Variants in PLCE1 observed in about 807,000 individuals in gnomAD.
PLCE1 encodes phospholipase C epsilon 1.
PLCE1 carries 119 observed loss-of-function variants against 242.8 expected under a neutral mutation model. The ratio of observed to expected loss-of-function variants is 0.49; its 90% confidence interval spans 0.42 to 0.57. The LOEUF (loss-of-function observed/expected upper bound fraction) is 0.57. PLCE1 is among the 20% of genes least tolerant of loss of function. PLCE1 has a pLI of 0.00. For synonymous variants in PLCE1, 945 were observed against 1,017.4 expected (o/e 0.93, Z 1.35); for missense variants, 2,441 against 2,788.8 (o/e 0.88, Z 2.81).
chr10:94,058,635 C>T (rs1470619283), intron 2 of PLCE1, among the ~76,000 whole-genome samples: 1 of 152,096 alleles, frequency 6.6e-6, no homozygotes, highest in Non-Finnish European at 1.5e-5. Context: ...GTCATCTAAA[C>T]CCTGGGTGAT....
At chr10:94,169,031 C>T (rs2047893893) in intron 3 of PLCE1, among the ~76,000 whole-genome samples, 1 of 152,030 alleles carries the variant, frequency 6.6e-6, no homozygotes, top group Admixed American at 6.5e-5. Flanking sequence ...TTAGATAGAA[C>T]CAAATATAAT....
At chr10:94,184,197 A>T (rs56682281) in intron 4 of PLCE1, among the ~76,000 whole-genome samples, 16,502 of 152,186 alleles carry the variant, frequency 0.11, 1,862 homozygotes, top group African/African-American at 0.29. Context: ...AATCGGGGTG[A>T]TCATTTATAA....
chr10:94,103,159 G>A (rs892091350), intron 2 of PLCE1, among the ~76,000 whole-genome samples: 12 of 152,220 alleles, frequency 7.9e-5, no homozygotes, highest in African/African-American at 2.9e-4. Context: ...ACTGTCAGGT[G>A]TCATGCTGAG....
At chr10:94,204,667 G>T (rs957868774) in intron 4 of PLCE1, among the ~76,000 whole-genome samples, 1 of 147,746 alleles carries the variant, frequency 6.8e-6, no homozygotes, top group African/African-American at 2.6e-5. Context: ...ACTCTGTCCC[G>T]AAAGAAAGAA....
In PLCE1 at chr10:94,264,512, A is replaced by ATTT. The variant is rs59860171; in HGVS notation, c.4054-1110_4054-1108dup. On this transcript the variant is annotated intron_variant, in intron 14 of 32. Coordinates refer to ENST00000371380, the MANE Select transcript of PLCE1 (RefSeq NM_016341.4). ...TTGAGCAGGGGAGTAACATGATTTGATTTTTTTTTTTTTTTTTTTTTTTTT... is the reference window on the plus strand; with the variant it reads ...TTGAGCAGGGGAGTAACATGATTTGATTTTTTTTTTTTTTTTTTTTTTTTTTTT... Among the ~76,000 whole-genome samples, 211 of 73,112 alleles carry ATTT rather than the reference A, an allele frequency of 2.9e-3. 15 individuals carry two copies. Among genetic ancestry groups the ATTT allele is most frequent in the African/African-American group, 7.1e-3 (142 of 19,924 alleles). 48.0% of individuals were successfully genotyped at this position (73,112 alleles called of 152,430 possible).
intron 3 of PLCE1, among the ~76,000 whole-genome samples, chr10:94,132,709 G>A (rs889688869): frequency 5.9e-5 from 9 of 151,528 alleles, no homozygotes; most frequent in African/African-American, 2.2e-4. Flanking sequence ...CCAGCACTTT[G>A]GGAGGCCAAG....
intron 32 of PLCE1, among the ~76,000 whole-genome samples, chr10:94,327,549 T>G (rs1019520578): frequency 6.6e-6 from 1 of 152,060 alleles, no homozygotes; most frequent in Admixed American, 6.5e-5. Flanking sequence ...AAAAAGAAAG[T>G]TAGTTTAGTA....
At chr10:94,246,980 C>T (rs1399050704) in intron 8 of PLCE1, among the ~76,000 whole-genome samples, 3 of 152,020 alleles carry the variant, frequency 2.0e-5, no homozygotes, top group Non-Finnish European at 4.4e-5. Flanking sequence ...GGCATGGTGG[C>T]ACATGCCTGT....
At chr10:94,218,231 T>C (rs1047014108) in intron 4 of PLCE1, among the ~76,000 whole-genome samples, 1 of 152,182 alleles carries the variant, frequency 6.6e-6, no homozygotes, top group Non-Finnish European at 1.5e-5. Context: ...TTAATGGAGT[T>C]CTAGAATAAG....
chr10:94,006,905 A>C (rs2061050588), intron 1 of PLCE1, among the ~76,000 whole-genome samples: 1 of 152,214 alleles, frequency 6.6e-6, no homozygotes, highest in Non-Finnish European at 1.5e-5. Flanking sequence ...CAGGGAGACC[A>C]CTGAGGGTGA....
chr10:94,071,495 G>GTTTTTTTTTTTTTTT lies in PLCE1; in HGVS notation c.1206+39250_1206+39264dup, dbSNP rs559496577. Among the ~76,000 whole-genome samples the GTTTTTTTTTTTTTTT allele has an allele frequency of 9.4e-4, 78 of 83,308 alleles. 14 individuals are homozygous for GTTTTTTTTTTTTTTT. Among genetic ancestry groups the GTTTTTTTTTTTTTTT allele is most frequent in the African/African-American group, 2.9e-3 (55 of 18,670 alleles). 54.7% of individuals were successfully genotyped at this position (83,308 alleles called of 152,430 possible). A position where few individuals can be genotyped will look rare whatever the true frequency, so the allele number is the denominator to read the frequency against. ...GTCTGTGTGTGTGTGTTTGGTTTTC[G>GTTTTTTTTTTTTTTT]TTTTTTTTTTTTTTTTTTTTTGAGT... On this transcript the variant is annotated intron_variant, in intron 2 of 32. Coordinates refer to ENST00000371380, the MANE Select transcript of PLCE1 (RefSeq NM_016341.4).
At chr10:94,255,914 A>ACACACACTCTCTCT (rs1284531207) in intron 11 of PLCE1, among the ~76,000 whole-genome samples, 3 of 67,324 alleles carry the variant, frequency 4.5e-5, no homozygotes, top group Admixed American at 1.8e-4. Context: ...ACACACACAC[A>ACACACACTCTCTCT]CTCTCTCTCT....
chr10:94,251,508 T>C (rs1444397971), intron 8 of PLCE1, among the ~76,000 whole-genome samples: 1 of 152,240 alleles, frequency 6.6e-6, no homozygotes. Flanking sequence ...AGCCCGCTTA[T>C]ACAGTGTATG....
At position 94,254,895 on chromosome 10, in the gene PLCE1, G is replaced by A. The variant is rs755481126; in HGVS notation, c.3400G>A (p.Val1134Met). 3 of 1,613,982 alleles carry A rather than the reference G, an allele frequency of 1.9e-6. No individual in the cohort carries two copies. The highest frequency in any genetic ancestry group is 1.7e-5 in the Admixed American group (1 of 60,012). Reference protein sequence around the residue: ...QDINEQEESEVNAIANPPNPL... With the variant: ...QDINEQEESEMNAIANPPNPL... ...TTTTCTGTCTTTCATCCTCACAGAG[G>A]TGAATGCCATCGCTAACCCTCCAAA... is the stretch of plus-strand genomic sequence containing the variant. The change falls in exon 11 of 33, where the codon GTG (valine) becomes ATG (methionine). Residue 1134 changes from valine (V) to methionine (M), a missense_variant and splice_region_variant. By Grantham distance (21) the Val-to-Met change is conservative. This residue lies in a region of PLCE1 where 1,004 missense variants were observed against 1,322.7 expected (regional missense o/e 0.76). Transcript: ENST00000371380.
At chr10:94,300,958 G>A (rs370001040) in intron 24 of PLCE1, among the ~76,000 whole-genome samples, 117 of 150,630 alleles carry the variant, frequency 7.8e-4, no homozygotes, top group African/African-American at 2.5e-3. Context: ...CCAGCTACTC[G>A]GAAGGCTGAG....
At chr10:94,066,780 A>C (rs1003252866) in intron 2 of PLCE1, among the ~76,000 whole-genome samples, 5 of 152,138 alleles carry the variant, frequency 3.3e-5, no homozygotes, top group African/African-American at 4.8e-5. Flanking sequence ...AGAAATGACA[A>C]AGCTAAACTT....
At chr10:94,155,138 AC>A (rs2047390631) in intron 3 of PLCE1, among the ~76,000 whole-genome samples, 1 of 151,964 alleles carries the variant, frequency 6.6e-6, no homozygotes, top group Non-Finnish European at 1.5e-5. Flanking sequence ...CTAGTTATAT[AC>A]CCAAGAGAAG....
chr10:94,224,671 G>A (rs2049878912), intron 4 of PLCE1, among the ~76,000 whole-genome samples: 1 of 152,190 alleles, frequency 6.6e-6, no homozygotes, highest in Non-Finnish European at 1.5e-5. Context: ...AGTGTTTGCT[G>A]ATGGTTTCCC....
At chr10:93,997,345 G>T (rs1023847998) in intron 1 of PLCE1, among the ~76,000 whole-genome samples, 2 of 152,152 alleles carry the variant, frequency 1.3e-5, no homozygotes, top group Non-Finnish European at 2.9e-5. Flanking sequence ...TGTTATGTAA[G>T]ATATGGCATA....
Sources: allele counts gnomAD v4.1 joint callset (sites outside exome capture counted in the v4.1 genomes callset), GRCh38; gene constraint gnomAD v4.1.1; regional missense constraint gnomAD v4.1.1; transcripts MANE v1.5; gene names NCBI Gene and HGNC (gene_info 2026-07-23, HGNC 2026-07-21).